The following FOXN3 variants were observed in gnomAD, a reference collection of about 807,000 sequenced individuals.
FOXN3 encodes the protein forkhead box N3.
A neutral mutation model predicts 38.4 loss-of-function variants in FOXN3; 7 were observed. That is an observed-to-expected ratio of 0.18 (90% CI 0.10 to 0.34). The LOEUF (loss-of-function observed/expected upper bound fraction) is 0.34, where lower values mean the gene tolerates loss of function less well. FOXN3 is among the 10% of genes least tolerant of loss of function. FOXN3 has a pLI of 1.00. For synonymous variants in FOXN3, 230 were observed against 242.2 expected (o/e 0.95, Z 0.47); for missense variants, 456 against 613.4 (o/e 0.74, Z 2.71).
intron 1 of FOXN3, among the ~76,000 whole-genome samples, chr14:89,609,206 C>G (rs576600274): frequency 1.3e-5 from 2 of 152,138 alleles, no homozygotes; most frequent in Non-Finnish European, 2.9e-5. Context: ...GAGAAGCCAT[C>G]AAGATTCTTT....
rs11845853 is a variant in FOXN3 at position 89,540,517 on chromosome 14, G to A, written c.-15+78511C>T. ...TGGGAAGCCAAGGCGGGCGGATCGCGAGGTCAGGAGTTCAAGACCACCCTG... is the reference window on the plus strand; with the variant it reads ...TGGGAAGCCAAGGCGGGCGGATCGCAAGGTCAGGAGTTCAAGACCACCCTG... On this transcript the variant is annotated intron_variant, in intron 1 of 6. Transcript: ENST00000345097. Among the ~76,000 whole-genome samples, 1,004 of 152,266 alleles carry A rather than the reference G, an allele frequency of 6.6e-3. 11 individuals are homozygous for A. The highest frequency in any genetic ancestry group is 0.023 in the African/African-American group (940 of 41,546).
intron 3 of FOXN3, among the ~76,000 whole-genome samples, chr14:89,336,494 G>T (rs902801910): frequency 2.0e-5 from 3 of 152,216 alleles, no homozygotes; most frequent in Non-Finnish European, 2.9e-5. Flanking sequence ...GTGACCACAA[G>T]GTGGCAAATT....
chr14:89,421,946 C>G (rs115696598), upstream of FOXN3, among the ~76,000 whole-genome samples: 1,620 of 152,270 alleles, frequency 0.011, 27 homozygotes, highest in African/African-American at 0.037. Flanking sequence ...GTGGTGCAAT[C>G]GTAACTCACT....
chr14:89,478,395 T>C (rs1357090275), intron 1 of FOXN3, among the ~76,000 whole-genome samples: 1 of 152,252 alleles, frequency 6.6e-6, no homozygotes, highest in Non-Finnish European at 1.5e-5. Flanking sequence ...AAACAAGGGC[T>C]GTTTGTTGAA....
chr14:89,235,684 G>A (rs1884957819), intron 4 of FOXN3, among the ~76,000 whole-genome samples: 4 of 152,204 alleles, frequency 2.6e-5, no homozygotes, highest in Admixed American at 2.0e-4. Flanking sequence ...TGGGCCCAGT[G>A]TAATCACAAA....
chr14:89,290,693 TGGAATGTA>T (rs1886842190), intron 3 of FOXN3: 2 of 414,548 alleles, frequency 4.8e-6, no homozygotes, highest in Non-Finnish European at 9.4e-6. Flanking sequence ...ATGTGGGACT[TGGAATGTA>T]GCTTCTGTGG....
intron 4 of FOXN3, among the ~76,000 whole-genome samples, chr14:89,258,633 C>G (rs1885701334): frequency 6.6e-6 from 1 of 152,174 alleles, no homozygotes; most frequent in Non-Finnish European, 1.5e-5. Flanking sequence ...ATGTAAGCAG[C>G]TTTTTTCAGA....
intron 1 of FOXN3, among the ~76,000 whole-genome samples, chr14:89,414,012 A>G (rs1191499735): frequency 6.6e-6 from 1 of 151,536 alleles, no homozygotes; most frequent in Non-Finnish European, 1.5e-5. Flanking sequence ...ATGAATGAAC[A>G]TATTTAAAAG....
intron 3 of FOXN3, among the ~76,000 whole-genome samples, chr14:89,332,057 G>T (rs1013900397): frequency 3.3e-5 from 5 of 152,160 alleles, no homozygotes; most frequent in Non-Finnish European, 5.9e-5. Context: ...GCAACTTCAT[G>T]TATACTCAAA....
At chr14:89,279,478 A>G (rs1196909735) in intron 4 of FOXN3, among the ~76,000 whole-genome samples, 1 of 152,224 alleles carries the variant, frequency 6.6e-6, no homozygotes, top group Non-Finnish European at 1.5e-5. Flanking sequence ...TCTTTTCTCA[A>G]AATAATCCAA....
intron 4 of FOXN3, among the ~76,000 whole-genome samples, chr14:89,260,970 T>C (rs1014762108): frequency 4.6e-5 from 7 of 152,230 alleles, no homozygotes; most frequent in African/African-American, 1.7e-4. Context: ...AATTTACATG[T>C]TAGCATATGT....
chr14:89,418,143 G>C (rs967424899), upstream of FOXN3, among the ~76,000 whole-genome samples: 1 of 152,160 alleles, frequency 6.6e-6, no homozygotes, highest in Non-Finnish European at 1.5e-5. Context: ...CCCTGGTGGT[G>C]ACAAAAATAA....
Position 89,329,845 on chromosome 14 carries a change from G to C in FOXN3, c.680+20827C>G, listed in dbSNP as rs577995471. ...CACTCCAGCCTGGGCGACAGAGCGA[G>C]ACTCAGTCTCAAAAAAAAAAAAAAA... On this transcript the variant is annotated intron_variant, in intron 3 of 5. Coordinates refer to ENST00000557258, the MANE Select transcript of FOXN3 (RefSeq NM_005197.4). Among the ~76,000 whole-genome samples the C allele has an allele frequency of 3.8e-5, 4 of 104,134 alleles. No homozygotes were observed. In the South Asian group the frequency reaches 1.5e-3, roughly 39 times the overall value. 68.3% of individuals were successfully genotyped at this position (104,134 alleles called of 152,430 possible).
At chr14:89,507,122 T>TA (rs11385288) in intron 1 of FOXN3, among the ~76,000 whole-genome samples, 89,855 of 124,048 alleles carry the variant, frequency 0.72, 33,165 homozygotes, top group Non-Finnish European at 0.85. Context: ...GAATGATCAA[T>TA]AAAAAAAAAA....
At chr14:89,330,813 G>T (rs957413466) in intron 3 of FOXN3, among the ~76,000 whole-genome samples, 4 of 152,150 alleles carry the variant, frequency 2.6e-5, no homozygotes, top group African/African-American at 9.7e-5. Context: ...CACCTGCCAG[G>T]GATTCCAGAA....
chr14:89,472,651 G>A (rs1893126814), intron 1 of FOXN3, among the ~76,000 whole-genome samples: 1 of 150,636 alleles, frequency 6.6e-6, no homozygotes. Context: ...AACCCAGGAG[G>A]TGGAGCTTGC....
In FOXN3 at chr14:89,190,714, C is replaced by T. The variant is rs113871613; in HGVS notation, c.746-9908G>A. ...CTCATTTTGTTAATTTTATAATTTG[C>T]ACTGTATGTTCCTGATAAATTGCTG... On this transcript the variant is annotated intron_variant, in intron 4 of 5. Coordinates refer to ENST00000557258, the MANE Select transcript of FOXN3 (RefSeq NM_005197.4). 1.4e-3 allele frequency among the ~76,000 whole-genome samples: 212 copies of T among 152,292 alleles called. 1 individual carries two copies. The highest frequency in any genetic ancestry group is 4.8e-3 in the African/African-American group (198 of 41,552).
At chr14:89,194,674 T>C (rs1401420621) in intron 4 of FOXN3, among the ~76,000 whole-genome samples, 1 of 151,630 alleles carries the variant, frequency 6.6e-6, no homozygotes, top group African/African-American at 2.4e-5. Flanking sequence ...ACTTAAGTTT[T>C]TCCCTTTTTA....
rs1891556720 is a variant in FOXN3, at chr14:89,411,967, C to T, written c.510G>A (p.Lys170=). The T allele has an allele frequency of 1.9e-6, 3 of 1,568,270 alleles. No homozygotes were observed. The highest frequency in any genetic ancestry group is 1.2e-5 in the South Asian group (1 of 85,064). The stretch of plus-strand genomic sequence containing the variant: ...TCTCTTTGTCCACTTTCTTAAAACA[C>T]TTATTCAATGATAAATTGTGTCTCA... ...NSVRHNLSLN[K]CFKKVDKERS... Residue 170 remains lysine, a synonymous_variant, in exon 2 of 6, where the codon AAG becomes AAA. Transcript: ENST00000557258.
Sources: gnomAD v4.1 joint callset for allele counts (sites outside exome capture counted in the v4.1 genomes callset) on GRCh38, gnomAD v4.1.1 for gene constraint, MANE v1.5 for transcripts, NCBI Gene and HGNC (gene_info 2026-07-23, HGNC 2026-07-21) for gene names.